The following SLC6A4 variants were observed in gnomAD, a reference collection of about 807,000 sequenced individuals.
The protein encoded by SLC6A4 is sodium-dependent serotonin transporter.
A neutral mutation model predicts 73.4 loss-of-function variants in SLC6A4; 22 were observed. The observed-to-expected ratio is 0.30, with a 90% CI of 0.21 to 0.43. The LOEUF (loss-of-function observed/expected upper bound fraction) is 0.43, where lower values mean the gene tolerates loss of function less well. Among genes scored for constraint, SLC6A4 ranks in the 20% least tolerant of loss-of-function variants. The pLI is 1.00. For missense variants in SLC6A4, 593 were observed against 808.5 expected (o/e 0.73, Z 3.23); for synonymous variants, 270 against 315.5 (o/e 0.86, Z 1.53).
rs1158663677 is a variant in SLC6A4 at position 30,211,023 on chromosome 17, G to T, written c.1317+289C>A. On this transcript the variant is annotated intron_variant, in intron 10 of 14. Transcript: ENST00000650711. The surrounding 1 kb of genome is among the most constrained non-coding windows in gnomAD (Gnocchi z 4.0). Reference sequence around the variant, plus strand: ...AGAGACCCAGGAGAGACCTCGCCCCGGCCTGTAGGCGCCATAATTGGGCCA... The same window carrying T: ...AGAGACCCAGGAGAGACCTCGCCCCTGCCTGTAGGCGCCATAATTGGGCCA... 6.6e-6 allele frequency among the ~76,000 whole-genome samples: 1 copy of T among 152,170 alleles called. No individual in the cohort carries two copies. The highest frequency in any genetic ancestry group is 1.9e-4 in the East Asian group (1 of 5,192).
At chr17:30,213,010 T>C in intron 8 of SLC6A4, 143 bp from the exon 9 acceptor site, 1 of 826,072 alleles carries the variant, frequency 1.2e-6, no homozygotes, top group Non-Finnish European at 1.9e-6. Flanking sequence ...CTCAAGCCTG[T>C]CCCGGAGTCC....
At chr17:30,227,076 A>G (rs1452355596) in intron 1 of SLC6A4, among the ~76,000 whole-genome samples, 3 of 152,116 alleles carry the variant, frequency 2.0e-5, no homozygotes, top group East Asian at 1.9e-4. Flanking sequence ...GATAGCTCAC[A>G]TGTTTTGCAC....
intron 3 of SLC6A4, among the ~76,000 whole-genome samples, chr17:30,221,324 A>C (rs186959910): frequency 2.0e-5 from 3 of 152,018 alleles, no homozygotes; most frequent in African/African-American, 7.3e-5. Flanking sequence ...TCATGTTCCT[A>C]GTCTTACGCC....
intron 1 of SLC6A4, among the ~76,000 whole-genome samples, chr17:30,234,044 G>A (rs1344864661): frequency 6.6e-6 from 1 of 151,730 alleles, no homozygotes; most frequent in Non-Finnish European, 1.5e-5. Flanking sequence ...CATTCCTCAG[G>A]CACCTCACCT....
chr17:30,212,256 T>C (rs2143014385), intron 9 of SLC6A4, among the ~76,000 whole-genome samples: 1 of 152,292 alleles, frequency 6.6e-6, no homozygotes, highest in East Asian at 1.9e-4. Flanking sequence ...TTTAAAGCCA[T>C]CATCAGAGTC....
intron 8 of SLC6A4, among the ~76,000 whole-genome samples, chr17:30,214,422 C>CAAAAA (rs748274109): frequency 4.2e-4 from 33 of 79,276 alleles, no homozygotes; most frequent in African/African-American, 9.3e-4. Context: ...AACTCCGTCT[C>CAAAAA]AAAAAAAAAA....
intron 11 of SLC6A4, among the ~76,000 whole-genome samples, 198 bp from the exon 12 acceptor site, chr17:30,209,440 G>C (rs1190843620): frequency 2.6e-5 from 4 of 152,182 alleles, no homozygotes; most frequent in Non-Finnish European, 4.4e-5. Context: ...GGGAGGCTGA[G>C]GCGGGCGTAT....
intron 11 of SLC6A4, among the ~76,000 whole-genome samples, chr17:30,210,098 T>G (rs2143014191): frequency 6.7e-6 from 1 of 148,990 alleles, no homozygotes; most frequent in Admixed American, 6.7e-5. Context: ...AAAAAGGATC[T>G]CTAGAGAGGG....
rs140140655 is a variant in SLC6A4 at position 30,210,560 on chromosome 17, G to A, written c.1404C>T (p.Ala468=). The A allele has an allele frequency of 1.1e-4, 179 of 1,613,778 alleles. No homozygotes were observed. Among genetic ancestry groups the A allele is most frequent in the Non-Finnish European group, 1.4e-4 (168 of 1,179,932 alleles). The change falls in exon 11 of 15, where the codon GCC becomes GCT. Residue 468 remains alanine, a synonymous_variant. Coordinates refer to ENST00000650711, the MANE Select transcript of SLC6A4 (RefSeq NM_001045.6). ...WAKRRERFVL[A]VVITCFFGSL... is the part of the protein sequence containing the mutation. ...ATCCAAAGAAGCAGGTGATGACCAC[G>A]GCGAGCACGAACCGCTCCCGGCGCT... is the stretch of plus-strand genomic sequence containing the variant.
chr17:30,199,637 C>T (rs1905968822), intron 14 of SLC6A4, among the ~76,000 whole-genome samples: 1 of 152,122 alleles, frequency 6.6e-6, no homozygotes, highest in Non-Finnish European at 1.5e-5. Flanking sequence ...CACAAAATTG[C>T]ACATTTTGTG....
chr17:30,216,015 T>C, intron 7 of SLC6A4, 67 bp downstream of exon 7: 2 of 1,430,746 alleles, frequency 1.4e-6, no homozygotes, highest in Admixed American at 3.5e-5. Flanking sequence ...ACTGTCCTAT[T>C]TGGAGGAGGA....
chr17:30,213,312 T>TTC (rs1324299294), intron 8 of SLC6A4, among the ~76,000 whole-genome samples: 35 of 150,252 alleles, frequency 2.3e-4, no homozygotes, highest in African/African-American at 8.1e-4. Flanking sequence ...CTTTTTTTTT[T>TTC]TTTTTTTTGA....
At chr17:30,232,281 G>T (rs1907135999) in intron 1 of SLC6A4, among the ~76,000 whole-genome samples, 2 of 152,188 alleles carry the variant, frequency 1.3e-5, no homozygotes, top group Admixed American at 1.3e-4. Flanking sequence ...TGTGTCCCCA[G>T]CTTTGCTGAG....
Position 30,194,523 on chromosome 17 carries a change from A to T in SLC6A4, c.*3933T>A, listed in dbSNP as rs2143012601. On this transcript the variant is annotated 3_prime_UTR_variant, in exon 15 of 15. Transcript: ENST00000650711. ...AAGTATTCTGAAAAGTTGTATATAGATCAAATCATAGTTTAAAGGCCATTC... is the reference window on the plus strand; with the variant it reads ...AAGTATTCTGAAAAGTTGTATATAGTTCAAATCATAGTTTAAAGGCCATTC... The T allele has an allele frequency of 6.6e-6, 1 of 152,310 alleles. No homozygotes were observed. Among genetic ancestry groups the T allele is most frequent in the South Asian group, 2.1e-4 (1 of 4,828 alleles). 9.4% of individuals were successfully genotyped at this position (152,310 alleles called of 1,614,324 possible). A position where few individuals can be genotyped will look rare whatever the true frequency, so the allele number is the denominator to read the frequency against.
intron 8 of SLC6A4, among the ~76,000 whole-genome samples, chr17:30,213,308 T>C (rs571408388): frequency 3.4e-5 from 5 of 148,640 alleles, no homozygotes; most frequent in East Asian, 1.9e-4. Flanking sequence ...TTTTCTTTTT[T>C]TTTTTTTTTT....
At position 30,211,367 on chromosome 17, in the gene SLC6A4, G is replaced by A. The variant is rs199873504; in HGVS notation, c.1262C>T (p.Thr421Ile). 5.0e-6 allele frequency: 8 copies of A among 1,613,880 alleles called. No individual in the cohort carries two copies. Among genetic ancestry groups the A allele is most frequent in the Non-Finnish European group, 6.8e-6 (8 of 1,179,850 alleles). Residue 421 changes from threonine (T) to isoleucine (I), a missense_variant, in exon 10 of 15, where the codon ACT becomes ATT. Coordinates refer to ENST00000650711, the MANE Select transcript of SLC6A4 (RefSeq NM_001045.6). The surrounding 1 kb of genome is among the most constrained non-coding windows in gnomAD (Gnocchi z 4.0). ...CAGAAAGAAGATGATGGCAAAGAAA[G>A]TGGACGCTGGCATGTTGGCTATCGC... ...AEAIANMPAS[T>I]FFAIIFFLML...
At position 30,198,268 on chromosome 17, in the gene SLC6A4, G is replaced by A. The variant is rs34500314; in HGVS notation, c.*188C>T. On this transcript the variant is annotated 3_prime_UTR_variant, in exon 15 of 15. Coordinates refer to ENST00000650711, the MANE Select transcript of SLC6A4 (RefSeq NM_001045.6). Reference sequence around the variant, plus strand: ...ACAGTCTACCATGGGAATATGTCCAGGGGAATCCATGGAAATAAGTGGCTG... The same window carrying A: ...ACAGTCTACCATGGGAATATGTCCAAGGGAATCCATGGAAATAAGTGGCTG... 1 of 527,710 alleles carries A rather than the reference G, an allele frequency of 1.9e-6. No homozygotes were observed. The highest frequency in any genetic ancestry group is 3.4e-6 in the Non-Finnish European group (1 of 297,118). 32.7% of individuals were successfully genotyped at this position (527,710 alleles called of 1,614,324 possible).
rs141686103 is a variant in SLC6A4, at chr17:30,232,425, G to A, written c.-221+3188C>T. ...ACCCTCCCCTTGCTGTCTGTCACTC[G>A]TCAGTACCTGAAGACCTGGGACATT... On this transcript the variant is annotated intron_variant, in intron 1 of 14. Transcript: ENST00000650711. Among the ~76,000 whole-genome samples, 242 of 152,328 alleles carry A rather than the reference G, an allele frequency of 1.6e-3. 1 individual carries two copies. The highest frequency in any genetic ancestry group is 5.4e-3 in the African/African-American group (226 of 41,568).
In SLC6A4 at chr17:30,217,290, T is replaced by C. The variant is rs1235060240; in HGVS notation, c.713A>G (p.Gln238Arg). Residue 238 changes from glutamine to arginine, a missense_variant, in exon 6 of 15, where the codon CAG (glutamine) becomes CGG (arginine). Coordinates refer to ENST00000650711, the MANE Select transcript of SLC6A4 (RefSeq NM_001045.6). ...AEEFYTRHVL[Q>R]IHRSKGLQDL... ...CTGGAGCCCCTTAGACCGGTGGATC[T>C]GCAGGACGTGGCGCCTGGGGTGAAG... The C allele has an allele frequency of 6.2e-7, 1 of 1,613,814 alleles. No individual in the cohort carries two copies. Among genetic ancestry groups the C allele is most frequent in the Non-Finnish European group, 8.5e-7 (1 of 1,179,922 alleles).
Sources: allele counts gnomAD v4.1 joint callset (sites outside exome capture counted in the v4.1 genomes callset), GRCh38; gene constraint gnomAD v4.1.1; non-coding constraint Gnocchi (gnomAD v3.1); transcripts MANE v1.5; gene names NCBI Gene and HGNC (gene_info 2026-07-23, HGNC 2026-07-21).